MMP26: variants seen among roughly 807,000 people sequenced by gnomAD.
MMP26 encodes matrix metalloproteinase-26.
Under a neutral mutation model 31.0 loss-of-function variants are expected in MMP26, and 33 were observed. The observed-to-expected ratio is 1.06, with a 90% CI of 0.81 to 1.42. MMP26 has a LOEUF of 1.42. Among genes scored for constraint, MMP26 ranks in the 40% most tolerant of loss-of-function variants. MMP26 has a pLI of 0.00. For synonymous variants in MMP26, 122 were observed against 114.9 expected (o/e 1.06, Z -0.40); for missense variants, 347 against 316.1 (o/e 1.10, Z -0.74).
intron 2 of MMP26, among the ~76,000 whole-genome samples, chr11:4,857,910 G>T (rs1384604318): frequency 2.6e-5 from 4 of 152,138 alleles, no homozygotes; most frequent in Admixed American, 6.5e-5. Context: ...GGGATGCAAG[G>T]CTGGTTCGAC....
chr11:4,876,707 G>A (rs954309936), intron 2 of MMP26: 19 of 150,392 alleles, frequency 1.3e-4, no homozygotes, highest in African/African-American at 4.7e-4. Context: ...CATCCTTGTT[G>A]TCATCAAAGT....
chr11:4,773,787 C>A (rs956235246), intron 2 of MMP26, among the ~76,000 whole-genome samples: 2 of 152,190 alleles, frequency 1.3e-5, no homozygotes, highest in Admixed American at 6.5e-5. Flanking sequence ...TCTCCCTTTG[C>A]CCCCACCTCA....
intron 2 of MMP26, among the ~76,000 whole-genome samples, chr11:4,878,409 G>T (rs901523696): frequency 6.6e-6 from 1 of 151,862 alleles, no homozygotes; most frequent in Non-Finnish European, 1.5e-5. Context: ...ATATTTAAGG[G>T]GTTGGAATCA....
At chr11:4,869,349 A>C (rs886979450) in intron 2 of MMP26, among the ~76,000 whole-genome samples, 1 of 152,202 alleles carries the variant, frequency 6.6e-6, no homozygotes, top group Admixed American at 6.5e-5. Context: ...AGAATCTACA[A>C]AGAACTTAAA....
intron 2 of MMP26, chr11:4,913,476 G>T (rs1249126522): frequency 6.6e-6 from 1 of 152,102 alleles, no homozygotes; most frequent in East Asian, 1.9e-4. Flanking sequence ...ATTCAAGCTT[G>T]CTTTCCTCAC....
intron 2 of MMP26, chr11:4,923,908 G>A (rs1851225831): frequency 3.7e-6 from 6 of 1,614,002 alleles, no homozygotes; most frequent in Non-Finnish European, 5.1e-6. Flanking sequence ...GCCCCATCTT[G>A]ACAATACATG....
At chr11:4,887,765 G>A (rs1474832029) in intron 2 of MMP26, among the ~76,000 whole-genome samples, 2 of 152,084 alleles carry the variant, frequency 1.3e-5, no homozygotes, top group Non-Finnish European at 2.9e-5. Context: ...CACTGTACAA[G>A]TGCTAGAGAC....
chr11:4,723,828 A>T (rs1848055866), intron 1 of MMP26: 1 of 1,557,358 alleles, frequency 6.4e-7, no homozygotes. Flanking sequence ...GCATCTTGTT[A>T]TGCTGCTCCA....
intron 2 of MMP26, among the ~76,000 whole-genome samples, chr11:4,932,933 T>C (rs1382603477): frequency 6.6e-6 from 1 of 152,148 alleles, no homozygotes; most frequent in Non-Finnish European, 1.5e-5. Context: ...GTTCATTGCC[T>C]TGTTTACAAT....
At chr11:4,744,797 T>C (rs1848359017) in intron 1 of MMP26, among the ~76,000 whole-genome samples, 1 of 152,172 alleles carries the variant, frequency 6.6e-6, no homozygotes, top group South Asian at 2.1e-4. Flanking sequence ...TATATATATG[T>C]GCAGTGTAGA....
chr11:4,964,407 A>C (rs1464672192), intron 2 of MMP26, among the ~76,000 whole-genome samples: 1 of 152,094 alleles, frequency 6.6e-6, no homozygotes, highest in African/African-American at 2.4e-5. Flanking sequence ...GGTTTGTTGA[A>C]GATCAGATGG....
intron 2 of MMP26, among the ~76,000 whole-genome samples, chr11:4,984,889 C>A (rs965332533): frequency 1.3e-5 from 2 of 152,090 alleles, no homozygotes; most frequent in East Asian, 3.8e-4. Context: ...AGAGATTTAA[C>A]CTGATTTTTA....
intron 2 of MMP26, among the ~76,000 whole-genome samples, chr11:4,967,581 G>T (rs953209788): frequency 6.6e-6 from 1 of 152,264 alleles, no homozygotes; most frequent in African/African-American, 2.4e-5. Context: ...ACTGGGAACG[G>T]TGTAAGCCAG....
At chr11:4,740,466 A>G (rs12226096) in intron 1 of MMP26, among the ~76,000 whole-genome samples, 26,440 of 151,918 alleles carry the variant, frequency 0.17, 2,776 homozygotes, top group African/African-American at 0.3. Context: ...GGCGGATCAC[A>G]AGGTCAGGAG....
chr11:4,728,125 T>C (rs953863512), intron 1 of MMP26, among the ~76,000 whole-genome samples: 13 of 152,108 alleles, frequency 8.5e-5, no homozygotes, highest in African/African-American at 3.1e-4. Flanking sequence ...AAATAAGATA[T>C]GAAAAAGTTA....
chr11:4,929,654 A>T (rs1285327176), intron 2 of MMP26, among the ~76,000 whole-genome samples: 1 of 152,132 alleles, frequency 6.6e-6, no homozygotes, highest in Non-Finnish European at 1.5e-5. Flanking sequence ...AATAGAAGGG[A>T]TAGCTGTTGT....
At chr11:4,867,792 TAGG>T (rs1207089057) in intron 2 of MMP26, among the ~76,000 whole-genome samples, 1 of 152,144 alleles carries the variant, frequency 6.6e-6, no homozygotes, top group Non-Finnish European at 1.5e-5. Context: ...ACACTCTTAG[TAGG>T]AGTATAAATT....
chr11:4,882,082 G>C, intron 2 of MMP26: 1 of 1,613,898 alleles, frequency 6.2e-7, no homozygotes, highest in Non-Finnish European at 8.5e-7. Flanking sequence ...ACAAACCCAT[G>C]TATTATTTCC....
At chr11:4,961,242 T>C (rs1846516467) in intron 2 of MMP26, among the ~76,000 whole-genome samples, 1 of 152,212 alleles carries the variant, frequency 6.6e-6, no homozygotes, top group Non-Finnish European at 1.5e-5. Context: ...TGATAATGCA[T>C]TTTCATGGAG....
Sources: gnomAD v4.1 joint callset for allele counts (sites outside exome capture counted in the v4.1 genomes callset) on GRCh38, gnomAD v4.1.1 for gene constraint, MANE v1.5 for transcripts, NCBI Gene and HGNC (gene_info 2026-07-23, HGNC 2026-07-21) for gene names.